SUCLG2: variants seen among roughly 807,000 people sequenced by gnomAD.
The protein encoded by SUCLG2 is succinate-CoA ligase GDP-forming subunit beta.
A neutral mutation model predicts 47.9 loss-of-function variants in SUCLG2; 42 were observed. The ratio of observed to expected loss-of-function variants is 0.88; its 90% CI spans 0.69 to 1.14. The LOEUF (loss-of-function observed/expected upper bound fraction) is 1.14, where lower values mean the gene tolerates loss of function less well. Among genes scored for constraint, SUCLG2 ranks in the 50% most tolerant of loss-of-function variants. The pLI is 0.00. For synonymous variants in SUCLG2, 195 were observed against 197.3 expected, an observed-to-expected ratio of 0.99 and a Z score of 0.10; for missense variants, 571 against 525.9, an observed-to-expected ratio of 1.09 and a Z score of -0.84.
At chr3:67,589,227 AT>A (rs1399952730) in intron 2 of SUCLG2, among the ~76,000 whole-genome samples, 1 of 152,042 alleles carries the variant, frequency 6.6e-6, no homozygotes, top group African/African-American at 2.4e-5. Flanking sequence ...TCCCACCCTT[AT>A]TTTTCCATCA....
chr3:67,366,719 T>C (rs1332723565), intron 10 of SUCLG2, among the ~76,000 whole-genome samples: 1 of 152,302 alleles, frequency 6.6e-6, no homozygotes, highest in Admixed American at 6.5e-5. Context: ...GAGCAGAATT[T>C]AGCCCCCTCC....
chr3:67,479,862 T>C (rs1704864987), intron 9 of SUCLG2, among the ~76,000 whole-genome samples: 3 of 152,294 alleles, frequency 2.0e-5, no homozygotes, highest in South Asian at 4.1e-4. Flanking sequence ...ATGAGGGAGT[T>C]GATCTTTAGA....
chr3:67,375,006 G>C lies in SUCLG2; in HGVS notation c.*738C>G. 1.0e-6 allele frequency: 1 copy of C among 985,638 alleles called. No homozygotes were observed. Among genetic ancestry groups the C allele is most frequent in the Non-Finnish European group, 1.2e-6 (1 of 829,894 alleles). 61.1% of individuals were successfully genotyped at this position (985,638 alleles called of 1,614,324 possible). On this transcript the variant is annotated 3_prime_UTR_variant, in exon 11 of 11. Transcript: ENST00000307227. ...ATAACAGAGATTTCCATAAGAATCA[G>C]GATTCATTTTTGACACAAAAATGGA... is the stretch of plus-strand genomic sequence containing the variant.
chr3:67,579,782 T>C (rs1418291757), intron 2 of SUCLG2, among the ~76,000 whole-genome samples: 2 of 152,216 alleles, frequency 1.3e-5, no homozygotes, highest in Non-Finnish European at 2.9e-5. Context: ...ATATCAAAGA[T>C]ACTACGATGT....
intron 2 of SUCLG2, among the ~76,000 whole-genome samples, chr3:67,564,244 T>G (rs1037618124): frequency 4.6e-5 from 7 of 152,204 alleles, no homozygotes; most frequent in African/African-American, 1.7e-4. Flanking sequence ...ACTTGGAAGA[T>G]TATCTCCAAA....
intron 9 of SUCLG2, among the ~76,000 whole-genome samples, chr3:67,449,341 A>G (rs1309246477): frequency 1.3e-5 from 2 of 152,218 alleles, no homozygotes; most frequent in African/African-American, 2.4e-5. Context: ...AAATCTGAAC[A>G]TGCAGACAGG....
At chr3:67,520,387 A>G in intron 5 of SUCLG2, 95 bp downstream of exon 5, 1 of 1,554,552 alleles carries the variant, frequency 6.4e-7, no homozygotes, top group Non-Finnish European at 8.8e-7. Context: ...GTAGAGACAG[A>G]TTTAGTGCTC....
intron 7 of SUCLG2, among the ~76,000 whole-genome samples, chr3:67,501,775 C>T (rs1451480510): frequency 6.6e-6 from 1 of 152,104 alleles, no homozygotes; most frequent in East Asian, 1.9e-4. Flanking sequence ...TTGCCAAACA[C>T]AGGGAGGTGC....
chr3:67,497,685 G>T (rs181796993), intron 8 of SUCLG2, among the ~76,000 whole-genome samples: 18 of 151,836 alleles, frequency 1.2e-4, no homozygotes, highest in African/African-American at 4.4e-4. Context: ...AGCAGCAAAG[G>T]TTCTAATTTT....
chr3:67,501,446 T>C (rs966581245), intron 7 of SUCLG2, among the ~76,000 whole-genome samples: 8 of 152,330 alleles, frequency 5.3e-5, no homozygotes, highest in Admixed American at 2.6e-4. Context: ...CATAGAGCTC[T>C]AAAACCCTTG....
At chr3:67,376,529 T>A in intron 10 of SUCLG2, 16 of 972,312 alleles carry the variant, frequency 1.6e-5, no homozygotes, top group Non-Finnish European at 1.8e-5. Flanking sequence ...GTAATAGAAT[T>A]TAAGTGTCTA....
chr3:67,558,091 C>A (rs531213085), intron 2 of SUCLG2, among the ~76,000 whole-genome samples: 1 of 152,074 alleles, frequency 6.6e-6, no homozygotes, highest in Non-Finnish European at 1.5e-5. Flanking sequence ...CTGTTTATTC[C>A]GGCTTGTCTC....
chr3:67,368,003 G>A (rs1014583692), intron 10 of SUCLG2, among the ~76,000 whole-genome samples: 5 of 152,090 alleles, frequency 3.3e-5, no homozygotes, highest in Non-Finnish European at 7.4e-5. Context: ...TTTTAAAATG[G>A]CTACACGATA....
intron 7 of SUCLG2, among the ~76,000 whole-genome samples, chr3:67,506,429 T>G (rs1252012376): frequency 6.6e-6 from 1 of 152,188 alleles, no homozygotes; most frequent in Non-Finnish European, 1.5e-5. Flanking sequence ...AAATATCACA[T>G]AAGACTTATG....
intron 9 of SUCLG2, among the ~76,000 whole-genome samples, chr3:67,434,113 G>A (rs1703557131): frequency 6.6e-6 from 1 of 152,174 alleles, no homozygotes; most frequent in African/African-American, 2.4e-5. Context: ...TGCTACAGGA[G>A]CAAATGAAAT....
chr3:67,390,170 C>T (rs1702349106), intron 10 of SUCLG2, among the ~76,000 whole-genome samples: 1 of 152,194 alleles, frequency 6.6e-6, no homozygotes, highest in African/African-American at 2.4e-5. Context: ...CCCAGTGGCA[C>T]ATTTTGTAAC....
intron 2 of SUCLG2, among the ~76,000 whole-genome samples, chr3:67,599,486 G>A (rs983343888): frequency 1.3e-5 from 2 of 152,094 alleles, no homozygotes; most frequent in Non-Finnish European, 2.9e-5. Flanking sequence ...CGGGATCCAG[G>A]TTTTCTCATG....
chr3:67,385,948 A>AG (rs1702248642), intron 10 of SUCLG2, among the ~76,000 whole-genome samples: 1 of 152,166 alleles, frequency 6.6e-6, no homozygotes, highest in African/African-American at 2.4e-5. Flanking sequence ...TGGACTTTTA[A>AG]GGAACACCGT....
chr3:67,503,318 C>CA (rs1002093989), intron 7 of SUCLG2, among the ~76,000 whole-genome samples: 32 of 149,690 alleles, frequency 2.1e-4, no homozygotes, highest in Admixed American at 6.6e-4. Flanking sequence ...ACATGAAAAC[C>CA]AAAAAAAAAG....
Sources: gnomAD v4.1 joint callset for allele counts (sites outside exome capture counted in the v4.1 genomes callset) on GRCh38, gnomAD v4.1.1 for gene constraint, MANE v1.5 for transcripts, NCBI Gene and HGNC (gene_info 2026-07-23, HGNC 2026-07-21) for gene names.